Variants in GPR63 observed in about 807,000 individuals in gnomAD.
GPR63 encodes the protein probable G protein-coupled receptor 63.
Under a neutral mutation model 23.1 loss-of-function variants are expected in GPR63, and 12 were observed. The observed-to-expected ratio is 0.52, with a 90% confidence interval of 0.33 to 0.84. The LOEUF is 0.84. GPR63 is among the 40% of genes least tolerant of loss of function. The probability of loss-of-function intolerance (pLI) is 0.02; values close to 1 mark genes in which losing one functional copy is unlikely to be tolerated. For synonymous variants in GPR63, 172 were observed against 191.1 expected (o/e 0.90, Z 0.82); for missense variants, 472 against 515.6 (o/e 0.92, Z 0.82).
chr6:96,820,664 C>T lies in GPR63; in HGVS notation c.-151+16604G>A, dbSNP rs985654766. On this transcript the variant is annotated intron_variant, in intron 1 of 1. Transcript: ENST00000229955. ...ATTTTGTTATTTTCATGCTATTCCA[C>T]GAGAATTTTTTTTTCATCCAGCTTT... Among the ~76,000 whole-genome samples, 10 of 151,960 alleles carry T rather than the reference C, an allele frequency of 6.6e-5. No homozygotes were observed. In the South Asian group the frequency reaches 8.3e-4, roughly 13 times the overall value.
In GPR63 at chr6:96,795,869, C is replaced by T. The variant is rs1562109389; in HGVS notation, c.*2603G>A. On this transcript the variant is annotated 3_prime_UTR_variant, in exon 2 of 2. Coordinates refer to ENST00000229955, the MANE Select transcript of GPR63 (RefSeq NM_030784.4). ...TATGGAAAATGGAGAGCATAATACACTTCAAAATGCTACTAGTATCTACTA... is the reference window on the plus strand; with the variant it reads ...TATGGAAAATGGAGAGCATAATACATTTCAAAATGCTACTAGTATCTACTA... 2 of 152,156 alleles carry T rather than the reference C, an allele frequency of 1.3e-5. No individual in the cohort carries two copies. Among genetic ancestry groups the T allele is most frequent in the Non-Finnish European group, 2.9e-5 (2 of 68,048 alleles). 9.4% of individuals were successfully genotyped at this position (152,156 alleles called of 1,614,324 possible). A position where few individuals can be genotyped will look rare whatever the true frequency, so the allele number is the denominator to read the frequency against.
chr6:96,828,233 C>T (rs1042366056), intron 1 of GPR63, among the ~76,000 whole-genome samples: 1 of 152,022 alleles, frequency 6.6e-6, no homozygotes, highest in East Asian at 1.9e-4. Context: ...TTTGTAGACA[C>T]GTATGATCTT....
At chr6:96,824,736 G>A (rs376103515) in intron 1 of GPR63, among the ~76,000 whole-genome samples, 15 of 152,018 alleles carry the variant, frequency 9.9e-5, no homozygotes, top group African/African-American at 3.6e-4. Context: ...AGGGAGAAAG[G>A]GTCCAGTGGG....
At chr6:96,814,783 G>A (rs947280874) in intron 1 of GPR63, among the ~76,000 whole-genome samples, 3 of 151,924 alleles carry the variant, frequency 2.0e-5, no homozygotes, top group Non-Finnish European at 2.9e-5. Flanking sequence ...ATTCCCTGAG[G>A]GCCTGAGGCA....
At position 96,798,620 on chromosome 6, in the gene GPR63, T is replaced by C. The variant is rs754351928; in HGVS notation, c.1112A>G (p.Tyr371Cys). Residue 371 changes from tyrosine (Y) to cysteine (C), a missense_variant, in exon 2 of 2, where the codon TAC (tyrosine) becomes TGC (cysteine). Coordinates refer to ENST00000229955, the MANE Select transcript of GPR63 (RefSeq NM_030784.4). ...ATGGAATTTCTTAATCCTCCAGTAGTAGATCAGCGGATTCAATGCAGACTT... is the reference window on the plus strand; with the variant it reads ...ATGGAATTTCTTAATCCTCCAGTAGCAGATCAGCGGATTCAATGCAGACTT... ...YLKSALNPLI[Y>C]YWRIKKFHDA... 2 of 1,614,176 alleles carry C rather than the reference T, an allele frequency of 1.2e-6. No homozygotes were observed. The highest frequency in any genetic ancestry group is 1.7e-6 in the Non-Finnish European group (2 of 1,180,024).
rs1491058813 is a variant in GPR63 at position 96,819,991 on chromosome 6, AAC to A, written c.-151+17275_-151+17276del. On this transcript the variant is annotated intron_variant, in intron 1 of 1. Coordinates refer to ENST00000229955, the MANE Select transcript of GPR63 (RefSeq NM_030784.4). ...CTCTGTCTCAAAAAAAAAAAAAAAA[AAC>A]AAACAACAACAAAAAAAATTCGACC... 1.1e-4 allele frequency among the ~76,000 whole-genome samples: 16 copies of A among 150,050 alleles called. No individual in the cohort carries two copies. In the South Asian group the frequency reaches 1.9e-3, roughly 18 times the overall value.
At chr6:96,814,442 C>T (rs1774113571) in intron 1 of GPR63, among the ~76,000 whole-genome samples, 1 of 152,164 alleles carries the variant, frequency 6.6e-6, no homozygotes, top group East Asian at 1.9e-4. Flanking sequence ...TATATTATTG[C>T]TAATCCTGAC....
intron 1 of GPR63, among the ~76,000 whole-genome samples, chr6:96,815,034 G>T (rs1213635498): frequency 1.3e-5 from 2 of 152,150 alleles, no homozygotes; most frequent in Admixed American, 6.6e-5. Context: ...TGGGAATGAA[G>T]AATGTTTTAG....
chr6:96,831,499 T>G (rs1477558590), intron 1 of GPR63, among the ~76,000 whole-genome samples: 1 of 152,114 alleles, frequency 6.6e-6, no homozygotes, highest in Non-Finnish European at 1.5e-5. Context: ...GATTTTATAT[T>G]GGGAATAATA....
chr6:96,798,902 TG>T lies in GPR63; in HGVS notation c.829del (p.His277IlefsTer18). 6.2e-7 allele frequency: 1 copy of T among 1,614,208 alleles called. No homozygotes were observed. The highest frequency in any genetic ancestry group is 1.3e-5 in the African/African-American group (1 of 75,060). ...NTLRHNALRI[H>X]SYPEGICLSQ... ...GAGGCATATACCTTCAGGGTAGCTA[TG>T]GATCCTCAAGGCATTGTGCCGAAGG... On this transcript the variant is annotated frameshift_variant, in exon 2 of 2. Transcript: ENST00000229955. LOFTEE classifies it high-confidence loss of function.
rs537517705 is a variant in GPR63 at position 96,830,818 on chromosome 6, G to A, written c.-151+6450C>T. On this transcript the variant is annotated intron_variant, in intron 1 of 1. Coordinates refer to ENST00000229955, the MANE Select transcript of GPR63 (RefSeq NM_030784.4). ...AAGTTTCTACCTTTTCCTGACTTTT[G>A]CTCATTTTATAGTTCTAGTTTTGTT... Among the ~76,000 whole-genome samples, 38 of 152,154 alleles carry A rather than the reference G, an allele frequency of 2.5e-4. No homozygotes were observed. In the South Asian group the frequency reaches 7.3e-3, roughly 29 times the overall value.
At chr6:96,822,951 T>C (rs187070957) in intron 1 of GPR63, among the ~76,000 whole-genome samples, 37 of 152,290 alleles carry the variant, frequency 2.4e-4, no homozygotes, top group Admixed American at 1.1e-3. Flanking sequence ...ATTCCTTTCA[T>C]AAGATTATAA....
intron 1 of GPR63, among the ~76,000 whole-genome samples, chr6:96,830,044 T>C (rs999883466): frequency 1.3e-5 from 2 of 152,130 alleles, no homozygotes; most frequent in African/African-American, 4.8e-5. Context: ...GAAGCAAGCA[T>C]AAAAGTATAA....
At chr6:96,833,677 G>C (rs1417408606) in intron 1 of GPR63, among the ~76,000 whole-genome samples, 1 of 152,046 alleles carries the variant, frequency 6.6e-6, no homozygotes, top group Admixed American at 6.6e-5. Flanking sequence ...AAGAAGCTTT[G>C]CTCAAAAACC....
intron 1 of GPR63, among the ~76,000 whole-genome samples, chr6:96,832,209 G>T (rs1182077573): frequency 1.3e-5 from 2 of 151,624 alleles, no homozygotes; most frequent in African/African-American, 4.8e-5. Flanking sequence ...GTTATATCTG[G>T]GTATAATTCT....
intron 1 of GPR63, among the ~76,000 whole-genome samples, chr6:96,819,733 A>C (rs757010263): frequency 1.3e-5 from 2 of 151,560 alleles, no homozygotes; most frequent in African/African-American, 2.4e-5. Flanking sequence ...CCAAAAAAAA[A>C]ACAAAAAAAC....
Position 96,795,793 on chromosome 6 carries a change from A to G in GPR63, c.*2679T>C, listed in dbSNP as rs1458942417. 6.6e-6 allele frequency: 1 copy of G among 152,220 alleles called. No individual in the cohort carries two copies. The allele number at this position is 152,220 out of a possible 1,614,324, so 9.4% of individuals were successfully genotyped here. On this transcript the variant is annotated 3_prime_UTR_variant, in exon 2 of 2. Transcript: ENST00000229955. Reference sequence around the variant, plus strand: ...CAGATCATGCTGACTTTCCTCAGAGAAAAGTCTAATAAAAAATGTCCTTAT... The same window carrying G: ...CAGATCATGCTGACTTTCCTCAGAGGAAAGTCTAATAAAAAATGTCCTTAT...
intron 1 of GPR63, among the ~76,000 whole-genome samples, chr6:96,818,504 GA>G (rs1291841841): frequency 6.6e-6 from 1 of 152,006 alleles, no homozygotes; most frequent in African/African-American, 2.4e-5. Flanking sequence ...TAAGAAATTT[GA>G]AGCAATCCTA....
intron 1 of GPR63, among the ~76,000 whole-genome samples, chr6:96,817,220 CCAAAA>C (rs573336789): frequency 6.6e-6 from 1 of 152,006 alleles, no homozygotes; most frequent in Non-Finnish European, 1.5e-5. Flanking sequence ...ATCCAAACGG[CCAAAA>C]CAAAACAGTA....
Sources: allele counts gnomAD v4.1 joint callset (sites outside exome capture counted in the v4.1 genomes callset), GRCh38; gene constraint gnomAD v4.1.1; transcripts MANE v1.5; gene names NCBI Gene and HGNC (gene_info 2026-07-23, HGNC 2026-07-21).